VAT1L: variants seen among roughly 807,000 people sequenced by gnomAD.
VAT1L encodes the protein putative NADPH-dependent quinone oxidoreductase VAT1L.
A neutral mutation model predicts 44.1 loss-of-function variants in VAT1L; 34 were observed. That is an observed-to-expected ratio of 0.77 (90% CI 0.59 to 1.03). The LOEUF is 1.03. Ranked by LOEUF, VAT1L falls within the 50% of genes least tolerant of loss-of-function variation. The pLI is 0.00. For missense variants in VAT1L, 615 were observed against 538.8 expected, an observed-to-expected ratio of 1.14 and a Z score of -1.40; for synonymous variants, 253 against 202.2, an observed-to-expected ratio of 1.25 and a Z score of -2.13.
intron 2 of VAT1L, among the ~76,000 whole-genome samples, chr16:77,820,533 C>A (rs140544493): frequency 6.3e-4 from 96 of 152,316 alleles, no homozygotes; most frequent in African/African-American, 2.2e-3. Flanking sequence ...GACCCTCAAA[C>A]CAGCATGAGC....
chr16:77,807,396 C>A (rs947719896), intron 1 of VAT1L, among the ~76,000 whole-genome samples: 20 of 152,174 alleles, frequency 1.3e-4, no homozygotes, highest in African/African-American at 4.6e-4. Context: ...TCATTCCTGA[C>A]TGGTTGATGC....
intron 1 of VAT1L, among the ~76,000 whole-genome samples, chr16:77,790,510 T>C (rs1314116757): frequency 6.6e-6 from 1 of 152,136 alleles, no homozygotes; most frequent in Non-Finnish European, 1.5e-5. Context: ...GGGTCATTAT[T>C]TTTCTTTACT....
At chr16:77,954,740 C>T in intron 7 of VAT1L, among the ~76,000 whole-genome samples, 1 of 152,216 alleles carries the variant, frequency 6.6e-6, no homozygotes, top group East Asian at 1.9e-4. Context: ...GATGCCTTCT[C>T]ACAGTAGGCA....
At chr16:77,931,792 G>A (rs1284471722) in intron 7 of VAT1L, among the ~76,000 whole-genome samples, 2 of 152,208 alleles carry the variant, frequency 1.3e-5, no homozygotes, top group Non-Finnish European at 2.9e-5. Flanking sequence ...GCTAGCACAT[G>A]CTAGAGTTAG....
chr16:77,881,945 T>G (rs1052492762), intron 6 of VAT1L, among the ~76,000 whole-genome samples: 2 of 152,264 alleles, frequency 1.3e-5, no homozygotes, highest in African/African-American at 4.8e-5. Context: ...CACACAGTGT[T>G]AATGAAATAA....
chr16:77,879,376 C>T lies in VAT1L; in HGVS notation c.882+152C>T, dbSNP rs143058953. On this transcript the variant is annotated intron_variant, in intron 6 of 8. Coordinates refer to ENST00000302536, the MANE Select transcript of VAT1L (RefSeq NM_020927.3). This position sits in a 1 kb window ranked among gnomAD's most constrained non-coding sequence, Gnocchi z 4.1. ...CACGATCTCGGCTCATGGCAACCTC[C>T]GACTCCCTGGTTCAAGCGATTCTCC... 2.2e-3 allele frequency: 1,741 copies of T among 793,554 alleles called. 5 individuals carry two copies. Among genetic ancestry groups the T allele is most frequent in the Middle Eastern group, 4.9e-3 (21 of 4,260 alleles). 49.2% of individuals were successfully genotyped at this position (793,554 alleles called of 1,614,324 possible).
chr16:77,977,751 G>C lies in VAT1L; in HGVS notation c.*56G>C. On this transcript the variant is annotated 3_prime_UTR_variant, in exon 9 of 9. Coordinates refer to ENST00000302536, the MANE Select transcript of VAT1L (RefSeq NM_020927.3). ...TGGTTTGGAAGATGAGGACCCGGCTGAGAAAACTCTTCTGTGCCCCAGTGA... is the reference window on the plus strand; with the variant it reads ...TGGTTTGGAAGATGAGGACCCGGCTCAGAAAACTCTTCTGTGCCCCAGTGA... 6.5e-7 allele frequency: 1 copy of C among 1,535,618 alleles called. No homozygotes were observed. The highest frequency in any genetic ancestry group is 8.9e-7 in the Non-Finnish European group (1 of 1,121,066).
At chr16:77,968,082 T>TA (rs2018241974) in intron 7 of VAT1L, among the ~76,000 whole-genome samples, 1 of 152,148 alleles carries the variant, frequency 6.6e-6, no homozygotes, top group East Asian at 1.9e-4. Flanking sequence ...GAGATAAGAA[T>TA]ATATTATCTA....
intron 8 of VAT1L, 21 bp downstream of exon 8, chr16:77,971,954 T>C (rs1256920434): frequency 1.9e-6 from 3 of 1,606,172 alleles, no homozygotes; most frequent in Non-Finnish European, 2.5e-6. Flanking sequence ...AGCAGAGGAG[T>C]CTGTTCAGTT....
At chr16:77,841,402 G>A (rs2016704109) in intron 3 of VAT1L, among the ~76,000 whole-genome samples, 1 of 152,180 alleles carries the variant, frequency 6.6e-6, no homozygotes, top group Non-Finnish European at 1.5e-5. Flanking sequence ...TTTTTTATGA[G>A]CATTGAGAAA....
intron 7 of VAT1L, among the ~76,000 whole-genome samples, chr16:77,941,733 C>T (rs987238801): frequency 1.4e-4 from 21 of 152,088 alleles, no homozygotes; most frequent in Non-Finnish European, 3.1e-4. Context: ...TTACAGGCAC[C>T]ATGCCACCAA....
At chr16:77,824,830 T>C (rs1284234239) in intron 2 of VAT1L, among the ~76,000 whole-genome samples, 1 of 150,156 alleles carries the variant, frequency 6.7e-6, no homozygotes, top group Non-Finnish European at 1.5e-5. Context: ...GGAAAAACCA[T>C]GTGTTTGTAC....
intron 7 of VAT1L, among the ~76,000 whole-genome samples, chr16:77,935,367 G>A (rs1015281197): frequency 1.3e-4 from 20 of 151,962 alleles, no homozygotes; most frequent in African/African-American, 4.8e-4. Flanking sequence ...TCATATTGTA[G>A]AGAATTACAA....
chr16:77,948,464 GA>G (rs775411634), intron 7 of VAT1L, among the ~76,000 whole-genome samples: 2 of 152,278 alleles, frequency 1.3e-5, no homozygotes, highest in East Asian at 3.9e-4. Context: ...TTGAGCATTT[GA>G]GTGCTGGAAC....
chr16:77,938,547 T>C (rs1337286975), intron 7 of VAT1L, among the ~76,000 whole-genome samples: 1 of 152,132 alleles, frequency 6.6e-6, no homozygotes, highest in East Asian at 1.9e-4. Flanking sequence ...TCATGAGATC[T>C]GGTTGTTTAA....
At chr16:77,902,730 G>T (rs1268387041) in intron 7 of VAT1L, among the ~76,000 whole-genome samples, 1 of 60,646 alleles carries the variant, frequency 1.6e-5, no homozygotes, top group Non-Finnish European at 3.1e-5. Flanking sequence ...CCGATGGGGG[G>T]GTGGGGGGGG....
At chr16:77,913,637 G>A (rs534174648) in intron 7 of VAT1L, among the ~76,000 whole-genome samples, 197 of 152,118 alleles carry the variant, frequency 1.3e-3, no homozygotes, top group African/African-American at 4.5e-3. Flanking sequence ...CCAGGGCTCC[G>A]TCCTTGGGAC....
At chr16:77,839,538 A>C (rs866728420) in intron 3 of VAT1L, among the ~76,000 whole-genome samples, 5 of 49,032 alleles carry the variant, frequency 1.0e-4, no homozygotes, top group Non-Finnish European at 2.4e-4. Context: ...TCCATATCAA[A>C]AAAAAAAAAA....
intron 2 of VAT1L, among the ~76,000 whole-genome samples, chr16:77,819,496 C>G (rs762435294): frequency 1.3e-5 from 2 of 152,150 alleles, no homozygotes; most frequent in Non-Finnish European, 2.9e-5. Flanking sequence ...ATTCTCCTAC[C>G]TCAGCCTCCT....
Sources: allele counts gnomAD v4.1 joint callset (sites outside exome capture counted in the v4.1 genomes callset), GRCh38; gene constraint gnomAD v4.1.1; non-coding constraint Gnocchi (gnomAD v3.1); transcripts MANE v1.5; gene names NCBI Gene and HGNC (gene_info 2026-07-23, HGNC 2026-07-21).